Variants in SAXO2 observed in about 807,000 individuals in gnomAD.
SAXO2 encodes family with sequence similarity 154, member B.
Under a neutral mutation model 18.7 loss-of-function variants are expected in SAXO2, and 17 were observed. The ratio of observed to expected loss-of-function variants is 0.91; its 90% CI spans 0.62 to 1.36. The LOEUF (loss-of-function observed/expected upper bound fraction) is 1.36, where lower values mean the gene tolerates loss of function less well. Ranked by LOEUF, SAXO2 falls within the 40% of genes most tolerant of loss-of-function variation. The pLI is 0.00. For missense variants in SAXO2, 486 were observed against 562.6 expected (o/e 0.86, Z 1.38); for synonymous variants, 163 against 181.2 (o/e 0.90, Z 0.81).
intron 3 of SAXO2, among the ~76,000 whole-genome samples, chr15:82,278,226 G>T (rs1346346015): frequency 6.6e-6 from 1 of 152,150 alleles, no homozygotes; most frequent in Non-Finnish European, 1.5e-5. Context: ...ACTGTCTTGG[G>T]ACCAACAATT....
At position 82,283,157 on chromosome 15, in the gene SAXO2, A is replaced by C; in HGVS notation, c.*95A>C. On this transcript the variant is annotated 3_prime_UTR_variant, in exon 4 of 4. Transcript: ENST00000682753. ...TAGTTAAAAAATTTATGATATAATA[A>C]ATCATTTTTTATATTTTTAAACAAG... 1 of 729,440 alleles carries C rather than the reference A, an allele frequency of 1.4e-6. No homozygotes were observed. Among genetic ancestry groups the C allele is most frequent in the Non-Finnish European group, 1.9e-6 (1 of 523,982 alleles). 45.2% of individuals were successfully genotyped at this position (729,440 alleles called of 1,614,324 possible).
chr15:82,282,788 A>G lies in SAXO2; in HGVS notation c.1103A>G (p.Asn368Ser), dbSNP rs201940575. The G allele has an allele frequency of 2.4e-5, 39 of 1,613,946 alleles. No individual in the cohort carries two copies. Among genetic ancestry groups the G allele is most frequent in the Non-Finnish European group, 3.2e-5 (38 of 1,179,990 alleles). Residue 368 changes from asparagine (N) to serine (S), a missense_variant, in exon 4 of 4, where the codon AAC (asparagine) becomes AGC (serine). By Grantham distance (46) the Asn-to-Ser change is conservative. Transcript: ENST00000682753. ...GLIKKQQQIP[N>S]PSGKFDGLST... ...ATTAAGAAGCAGCAGCAGATTCCCA[A>G]CCCATCTGGAAAATTTGATGGTTTG...
chr15:82,266,722 A>G (rs1326986152), intron 2 of SAXO2, among the ~76,000 whole-genome samples: 1 of 152,226 alleles, frequency 6.6e-6, no homozygotes, highest in Non-Finnish European at 1.5e-5. Context: ...CAGATTAGGT[A>G]AAATTCTTCT....
intron 2 of SAXO2, 114 bp downstream of exon 2, chr15:82,265,862 C>G (rs1009196286): frequency 1.5e-6 from 1 of 655,144 alleles, no homozygotes; most frequent in Non-Finnish European, 2.2e-6. Flanking sequence ...TTGAACCAAT[C>G]TAATAGTCAA....
chr15:82,263,187 A>G (rs1311229084), intron 1 of SAXO2: 5 of 1,451,852 alleles, frequency 3.4e-6, no homozygotes, highest in Admixed American at 5.4e-5. Flanking sequence ...CACCCGGGCC[A>G]GGTAAGTAAT....
At chr15:82,274,152 T>C (rs979087189) in intron 3 of SAXO2, among the ~76,000 whole-genome samples, 1 of 152,058 alleles carries the variant, frequency 6.6e-6, no homozygotes, top group African/African-American at 2.4e-5. Context: ...CACACACTTA[T>C]ACCAACACTA....
At chr15:82,263,787 G>A (rs923949687) in intron 1 of SAXO2, among the ~76,000 whole-genome samples, 1 of 152,038 alleles carries the variant, frequency 6.6e-6, no homozygotes, top group Non-Finnish European at 1.5e-5. Context: ...TATATTCAAC[G>A]CAAGTTCCTT....
chr15:82,275,849 T>A (rs768478008), intron 3 of SAXO2, among the ~76,000 whole-genome samples: 1 of 152,120 alleles, frequency 6.6e-6, no homozygotes, highest in Non-Finnish European at 1.5e-5. Context: ...CCGGAAGCAT[T>A]CCCTTTGAGA....
intron 1 of SAXO2, chr15:82,264,754 C>T (rs763532506): frequency 7.1e-6 from 5 of 701,386 alleles, no homozygotes; most frequent in African/African-American, 1.8e-5. Context: ...TCACTCGTCT[C>T]TTCCAAGGTC....
chr15:82,264,695 C>T (rs1489369435), intron 1 of SAXO2: 3 of 702,274 alleles, frequency 4.3e-6, no homozygotes, highest in Admixed American at 2.0e-5. Flanking sequence ...AAGGGAGCCA[C>T]TGCCTCTGCC....
At chr15:82,270,203 G>A (rs541927938) in intron 2 of SAXO2, among the ~76,000 whole-genome samples, 1 of 152,262 alleles carries the variant, frequency 6.6e-6, no homozygotes, top group African/African-American at 2.4e-5. Context: ...AGTGAACAGT[G>A]GATGAGAAGA....
intron 3 of SAXO2, among the ~76,000 whole-genome samples, chr15:82,280,219 T>C (rs2075351382): frequency 2.0e-5 from 3 of 152,138 alleles, no homozygotes; most frequent in Admixed American, 2.0e-4. Context: ...ACATTCATAC[T>C]ATTGTATGCT....
At chr15:82,274,562 G>C (rs1348444967) in intron 3 of SAXO2, among the ~76,000 whole-genome samples, 1 of 151,830 alleles carries the variant, frequency 6.6e-6, no homozygotes, top group East Asian at 1.9e-4. Context: ...CATTAGCTAG[G>C]CATGATGATG....
At chr15:82,281,535 G>A (rs556510025) in intron 3 of SAXO2, among the ~76,000 whole-genome samples, 1 of 152,148 alleles carries the variant, frequency 6.6e-6, no homozygotes, top group African/African-American at 2.4e-5. Context: ...TGATCTTTCT[G>A]GGATAGCACA....
At chr15:82,265,060 C>T (rs529505940) in intron 1 of SAXO2, among the ~76,000 whole-genome samples, 2 of 152,354 alleles carry the variant, frequency 1.3e-5, no homozygotes, top group South Asian at 4.1e-4. Flanking sequence ...AATTGCTGTG[C>T]TTCCACCACA....
chr15:82,265,186 G>T (rs577534188), intron 1 of SAXO2, among the ~76,000 whole-genome samples: 5 of 152,182 alleles, frequency 3.3e-5, no homozygotes, highest in Non-Finnish European at 7.3e-5. Flanking sequence ...TGTCACCCAG[G>T]CTGGAGTGCA....
Position 82,262,860 on chromosome 15 carries a change from G to A in SAXO2, c.-20G>A. 6.3e-7 allele frequency: 1 copy of A among 1,579,378 alleles called. No homozygotes were observed. Among genetic ancestry groups the A allele is most frequent in the Non-Finnish European group, 8.6e-7 (1 of 1,162,922 alleles). ...TGGGAGTGGAGAAGCTGCAAGTGCT[G>A]AGGCGCGGTGGAGGAAAGCATGGGA... On this transcript the variant is annotated 5_prime_UTR_variant, in exon 1 of 4. Transcript: ENST00000682753.
intron 2 of SAXO2, among the ~76,000 whole-genome samples, chr15:82,271,006 C>T (rs1041449904): frequency 2.0e-5 from 3 of 152,150 alleles, no homozygotes; most frequent in Admixed American, 1.3e-4. Flanking sequence ...AGGTTGGCTG[C>T]GTTACCATCT....
rs902701259 is a variant in SAXO2 at position 82,262,884 on chromosome 15, G to A, written c.5G>A (p.Gly2Glu). Residue 2 changes from glycine (G) to glutamate (E), a missense_variant, in exon 1 of 4, where the codon GGA (glycine) becomes GAA (glutamate). Physicochemically the swap from Gly to Glu is moderately conservative, Grantham distance 98 (BLOSUM62 -2). Coordinates refer to ENST00000682753, the MANE Select transcript of SAXO2 (RefSeq NM_001348699.2). M[G>E]AKSMRSWCLC... The stretch of plus-strand genomic sequence containing the variant: ...TGAGGCGCGGTGGAGGAAAGCATGG[G>A]AGCCAAGAGTATGAGGAGCTGGTGT... The A allele has an allele frequency of 6.3e-7, 1 of 1,598,240 alleles. No individual in the cohort carries two copies. Among genetic ancestry groups the A allele is most frequent in the Non-Finnish European group, 8.5e-7 (1 of 1,172,548 alleles).
Sources: gnomAD v4.1 joint callset for allele counts (sites outside exome capture counted in the v4.1 genomes callset) on GRCh38, gnomAD v4.1.1 for gene constraint, MANE v1.5 for transcripts, NCBI Gene and HGNC (gene_info 2026-07-23, HGNC 2026-07-21) for gene names.